Variants in LAMA3 observed in about 807,000 individuals in gnomAD.
LAMA3 encodes the protein laminin subunit alpha-3.
Under a neutral mutation model 402.0 loss-of-function variants are expected in LAMA3, and 281 were observed. The observed-to-expected ratio is 0.70, with a 90% CI of 0.63 to 0.77. LAMA3 has a LOEUF of 0.77. Among genes scored for constraint, LAMA3 ranks in the 30% least tolerant of loss-of-function variants. The probability of loss-of-function intolerance (pLI) is 0.00; values close to 1 mark genes in which losing one functional copy is unlikely to be tolerated. For missense variants in LAMA3, 3,840 were observed against 4,215.5 expected, an observed-to-expected ratio of 0.91 and a Z score of 2.47; for synonymous variants, 1,431 against 1,558.4, an observed-to-expected ratio of 0.92 and a Z score of 1.93.
At chr18:23,843,471 C>T (rs918780089) in intron 29 of LAMA3, among the ~76,000 whole-genome samples, 8 of 152,194 alleles carry the variant, frequency 5.3e-5, no homozygotes, top group Non-Finnish European at 1.0e-4. Flanking sequence ...GAGTCTTTCT[C>T]TGCCGTGCCT....
chr18:23,802,827 A>G (rs973523197), intron 12 of LAMA3, among the ~76,000 whole-genome samples: 14 of 152,198 alleles, frequency 9.2e-5, no homozygotes, highest in Non-Finnish European at 1.6e-4. Context: ...ATGTTGTACA[A>G]TGATTCAGAG....
chr18:23,767,702 T>C (rs575611642), intron 8 of LAMA3, among the ~76,000 whole-genome samples: 3 of 151,520 alleles, frequency 2.0e-5, no homozygotes, highest in African/African-American at 7.3e-5. Flanking sequence ...GCCTCCCAAG[T>C]AGCTGGGACT....
rs376027899 is a variant in LAMA3 at position 23,842,724 on chromosome 18, G to A, written c.3577G>A (p.Val1193Ile). ...GCCTGAAGTGGCCGCAACTGTGAAG[G>A]TTCCAGAAGGAAAGTCCTTGGTTTT... The part of the protein sequence containing the change: ...SEPEVAATVK[V>I]PEGKSLVLVR... The change falls in exon 29 of 75, where the codon GTT becomes ATT. Residue 1193 changes from valine (V) to isoleucine (I), a missense_variant. Physicochemically the swap from Val to Ile is conservative, Grantham distance 29. Transcript: ENST00000313654. 1.4e-5 allele frequency: 23 copies of A among 1,614,104 alleles called. No homozygotes were observed. Among genetic ancestry groups the A allele is most frequent in the Middle Eastern group, 1.6e-4 (1 of 6,084 alleles).
Position 23,842,684 on chromosome 18 carries a change from G to A in LAMA3, c.3537G>A (p.Glu1179=). The change falls in exon 29 of 75, where the codon GAG becomes GAA. Residue 1179 remains glutamate (E), a synonymous_variant. Transcript: ENST00000313654. ...RDQVIAEGQI[E]FDISEPEVAA... Reference sequence around the variant, plus strand: ...AAGTGATTGCCGAAGGCCAGATTGAGTTTGACATCTCAGAGCCTGAAGTGG... The same window carrying A: ...AAGTGATTGCCGAAGGCCAGATTGAATTTGACATCTCAGAGCCTGAAGTGG... The A allele has an allele frequency of 6.2e-7, 1 of 1,614,188 alleles. No homozygotes were observed. Among genetic ancestry groups the A allele is most frequent in the Non-Finnish European group, 8.5e-7 (1 of 1,180,036 alleles).
chr18:23,811,488 G>A (rs952343563), intron 13 of LAMA3, among the ~76,000 whole-genome samples: 2 of 152,144 alleles, frequency 1.3e-5, no homozygotes, highest in Admixed American at 6.5e-5. Flanking sequence ...CTTTCAAAAG[G>A]CCTGAAGGTC....
intron 5 of LAMA3, among the ~76,000 whole-genome samples, chr18:23,751,922 A>G (rs2061759083): frequency 1.3e-5 from 2 of 152,236 alleles, no homozygotes; most frequent in Non-Finnish European, 2.9e-5. Context: ...GGTTGCAACC[A>G]TAAAGTTCAG....
At chr18:23,884,593 G>A (rs111700266) in intron 40 of LAMA3, among the ~76,000 whole-genome samples, 180 bp from the exon 41 acceptor site, 18 of 152,178 alleles carry the variant, frequency 1.2e-4, no homozygotes, top group African/African-American at 3.6e-4. Flanking sequence ...GCCCTGTGTC[G>A]GCTGAGATCA....
Position 23,740,713 on chromosome 18 carries a change from G to A in LAMA3, c.448-7230G>A, listed in dbSNP as rs374746411. On this transcript the variant is annotated intron_variant, in intron 2 of 74. Coordinates refer to ENST00000313654, the MANE Select transcript of LAMA3 (RefSeq NM_198129.4). ...TCTGTGCTACTCCACAGGGGAAAGA[G>A]GGCTGATGAGAGAAAGTTTTTGACA... Among the ~76,000 whole-genome samples, 129 of 152,292 alleles carry A rather than the reference G, an allele frequency of 8.5e-4. 3 individuals carry two copies. In the South Asian group the frequency reaches 0.026, roughly 30 times the overall value.
intron 12 of LAMA3, among the ~76,000 whole-genome samples, chr18:23,804,759 G>A (rs1457456575): frequency 6.6e-6 from 1 of 152,124 alleles, no homozygotes. Flanking sequence ...TTCATGAATG[G>A]CTTAGTATTG....
chr18:23,891,804 C>T (rs1786044), intron 42 of LAMA3, among the ~76,000 whole-genome samples: 24,206 of 152,182 alleles, frequency 0.16, 4,317 homozygotes, highest in African/African-American at 0.43. Flanking sequence ...CTCGTACTGT[C>T]TTCACTGAGT....
chr18:23,851,787 T>C (rs943421250), intron 32 of LAMA3, among the ~76,000 whole-genome samples: 4 of 152,214 alleles, frequency 2.6e-5, no homozygotes, highest in Non-Finnish European at 5.9e-5. Context: ...TTATTGACTT[T>C]ACACAGGTAG....
intron 7 of LAMA3, among the ~76,000 whole-genome samples, chr18:23,762,703 A>T (rs968288606): frequency 6.6e-6 from 1 of 151,664 alleles, no homozygotes; most frequent in Admixed American, 6.6e-5. Context: ...ATATGATTAT[A>T]TATCTTTCTT....
intron 11 of LAMA3, chr18:23,781,164 T>C (rs1043414434): frequency 9.9e-5 from 34 of 344,352 alleles, no homozygotes; most frequent in African/African-American, 6.5e-4. Context: ...AGTTTTTCAC[T>C]GAATCTCAAT....
chr18:23,832,990 G>C (rs74900671), intron 23 of LAMA3, among the ~76,000 whole-genome samples: 1 of 152,050 alleles, frequency 6.6e-6, no homozygotes, highest in Admixed American at 6.5e-5. Context: ...TCTTAAGAGG[G>C]GGGTACTATT....
rs1050246435 is a variant in LAMA3 at position 23,898,524 on chromosome 18, T to C, written c.5614-214T>C. On this transcript the variant is annotated intron_variant, in intron 44 of 74. Coordinates refer to ENST00000313654, the MANE Select transcript of LAMA3 (RefSeq NM_198129.4). ...GTGAAGTAGCTCTTATCTCTTCACATTTGTCACATTTGCTACTTTATTTTA... is the reference window on the plus strand; with the variant it reads ...GTGAAGTAGCTCTTATCTCTTCACACTTGTCACATTTGCTACTTTATTTTA... The C allele has an allele frequency of 6.8e-6, 4 of 583,976 alleles. No homozygotes were observed. In the East Asian group the frequency reaches 1.2e-4, roughly 17 times the overall value. 36.2% of individuals were successfully genotyped at this position (583,976 alleles called of 1,614,324 possible). A position where few individuals can be genotyped will look rare whatever the true frequency, so the allele number is the denominator to read the frequency against.
chr18:23,815,222 A>T lies in LAMA3; in HGVS notation c.1923A>T (p.Gly641=), dbSNP rs748523148. ...CKCHKAGTVS[G]TGECRQGDGD... ...GCCATAAGGCGGGAACAGTGAGTGG[A>T]ACTGGAGAGTGTAGGCAGGTAAAGT... Residue 641 remains glycine, a synonymous_variant, in exon 16 of 75, where the codon GGA becomes GGT. Coordinates refer to ENST00000313654, the MANE Select transcript of LAMA3 (RefSeq NM_198129.4). 14 of 1,614,026 alleles carry T rather than the reference A, an allele frequency of 8.7e-6. No individual in the cohort carries two copies. The highest frequency in any genetic ancestry group is 1.3e-5 in the African/African-American group (1 of 74,926).
chr18:23,909,208 C>T lies in LAMA3; in HGVS notation c.7071C>T (p.Asn2357=). ...TTTGGCGCAAGATTGAAAGTATCAA[C>T]CAACAGCTGTTGCCCTTGGGAAACA... The part of the protein sequence containing the change: ...PDLWRKIESI[N]QQLLPLGNIS... The change falls in exon 55 of 75, where the codon AAC becomes AAT. Residue 2357 remains asparagine, a synonymous_variant. Transcript: ENST00000313654. 1 of 1,613,910 alleles carries T rather than the reference C, an allele frequency of 6.2e-7. No homozygotes were observed. The highest frequency in any genetic ancestry group is 8.5e-7 in the Non-Finnish European group (1 of 1,179,852).
intron 67 of LAMA3, among the ~76,000 whole-genome samples, chr18:23,936,513 C>T (rs1035572572): frequency 2.6e-5 from 4 of 151,796 alleles, no homozygotes; most frequent in Non-Finnish European, 5.9e-5. Flanking sequence ...CAGTGGGGAT[C>T]TCCATCAGTT....
At chr18:23,896,805 C>T (rs1039496061) in intron 44 of LAMA3, among the ~76,000 whole-genome samples, 2 of 151,994 alleles carry the variant, frequency 1.3e-5, no homozygotes, top group Non-Finnish European at 2.9e-5. Flanking sequence ...TCCTAAACTG[C>T]CAAAGTAAGA....
Sources: allele counts gnomAD v4.1 joint callset (sites outside exome capture counted in the v4.1 genomes callset), GRCh38; gene constraint gnomAD v4.1.1; transcripts MANE v1.5; gene names NCBI Gene and HGNC (gene_info 2026-07-23, HGNC 2026-07-21).